CYTIP: variants seen among roughly 807,000 people sequenced by gnomAD.
CYTIP encodes the protein cytohesin 1 interacting protein.
Under a neutral mutation model 43.8 loss-of-function variants are expected in CYTIP, and 26 were observed. The observed-to-expected ratio is 0.59, with a 90% CI of 0.44 to 0.82. The LOEUF (loss-of-function observed/expected upper bound fraction) is 0.82, where lower values mean the gene tolerates loss of function less well. CYTIP is among the 40% of genes least tolerant of loss of function. CYTIP has a pLI of 0.00. For missense variants in CYTIP, 426 were observed against 443.1 expected (o/e 0.96, Z 0.35); for synonymous variants, 162 against 162.9 (o/e 0.99, Z 0.04).
rs1685416944 is a variant in CYTIP at position 157,414,952 on chromosome 2, T to C, written c.*725A>G. 6.6e-6 allele frequency: 1 copy of C among 152,234 alleles called. No homozygotes were observed. The highest frequency in any genetic ancestry group is 1.5e-5 in the Non-Finnish European group (1 of 68,038). 9.4% of individuals were successfully genotyped at this position (152,234 alleles called of 1,614,324 possible). On this transcript the variant is annotated 3_prime_UTR_variant, in exon 8 of 8. Transcript: ENST00000264192. ...CTGTAGGATTCGGAGAGTTCTAGAC[T>C]TGCCATTAATGTTCAGGCAGAACAA...
intron 1 of CYTIP, 124 bp downstream of exon 1, chr2:157,443,723 A>C: frequency 2.8e-6 from 3 of 1,064,522 alleles, no homozygotes; most frequent in Non-Finnish European, 3.9e-6. Context: ...TCCTTCACCC[A>C]TAATAATCAG....
In CYTIP at chr2:157,415,934, T is replaced by G; in HGVS notation, c.823A>C (p.Ser275Arg). The G allele has an allele frequency of 6.2e-7, 1 of 1,614,234 alleles. No individual in the cohort carries two copies. Among genetic ancestry groups the G allele is most frequent in the Non-Finnish European group, 8.5e-7 (1 of 1,180,038 alleles). Residue 275 changes from serine to arginine, a missense_variant, in exon 8 of 8, where the codon AGT (serine) becomes CGT (arginine). Coordinates refer to ENST00000264192, the MANE Select transcript of CYTIP (RefSeq NM_004288.5). Reference sequence around the variant, plus strand: ...TCATCATCTGTACTCGTCTGCCGACTGAAGGCACCCCTGCTGGAGTCCTCA... The same window carrying G: ...TCATCATCTGTACTCGTCTGCCGACGGAAGGCACCCCTGCTGGAGTCCTCA... ...VSEDSSRGAF[S>R]RQTSTDDECF...
At chr2:157,428,557 T>C (rs1685649557) in intron 5 of CYTIP, among the ~76,000 whole-genome samples, 1 of 152,354 alleles carries the variant, frequency 6.6e-6, no homozygotes, top group South Asian at 2.1e-4. Context: ...TTTGGCCATT[T>C]TCCTCAGTAT....
chr2:157,434,185 C>T (rs1429177761), intron 3 of CYTIP, 185 bp downstream of exon 3: 2 of 636,902 alleles, frequency 3.1e-6, no homozygotes, highest in East Asian at 2.8e-5. Flanking sequence ...TTATCATCTT[C>T]AATGTTTTCT....
Position 157,417,404 on chromosome 2 carries a change from G to T in CYTIP, c.613+1119C>A, listed in dbSNP as rs1046831499. 3.3e-5 allele frequency among the ~76,000 whole-genome samples: 5 copies of T among 152,230 alleles called. No homozygotes were observed. In the East Asian group the frequency reaches 7.7e-4, roughly 23 times the overall value. On this transcript the variant is annotated intron_variant, in intron 7 of 7. Transcript: ENST00000264192. ...ACAACAATGACTTTATGAGGATCCT[G>T]ACCTAACAATGTTGTCTATACAAGG...
At position 157,415,288 on chromosome 2, in the gene CYTIP, C is replaced by T. The variant is rs924412393; in HGVS notation, c.*389G>A. On this transcript the variant is annotated 3_prime_UTR_variant, in exon 8 of 8. Transcript: ENST00000264192. ...TAAGATTTTATAACCCAGCAATTAT[C>T]CTATAGAAAATAGTCCAGATTATTA... 6.0e-6 allele frequency: 1 copy of T among 166,486 alleles called. No homozygotes were observed. Among genetic ancestry groups the T allele is most frequent in the Non-Finnish European group, 1.3e-5 (1 of 75,916 alleles). 10.3% of individuals were successfully genotyped at this position (166,486 alleles called of 1,614,324 possible).
intron 2 of CYTIP, 114 bp from the exon 3 acceptor site, chr2:157,434,538 A>C: frequency 1.0e-6 from 1 of 986,100 alleles, no homozygotes; most frequent in South Asian, 1.4e-5. Flanking sequence ...ATTTATGTAA[A>C]TTGTAGTATG....
At position 157,430,913 on chromosome 2, in the gene CYTIP, A is replaced by G; in HGVS notation, c.329T>C (p.Leu110Ser). The G allele has an allele frequency of 1.2e-6, 2 of 1,613,994 alleles. No homozygotes were observed. The highest frequency in any genetic ancestry group is 8.5e-7 in the Non-Finnish European group (1 of 1,179,982). ...GCTGTCCTCCTGTATTTTGCATATC[A>G]AAGTGAACATTTCCGAGGAGCAGGC... ...QNACSSEMFT[L>S]ICKIQEDSPA... Residue 110 changes from leucine (L) to serine (S), a missense_variant, in exon 4 of 8, where the codon TTG (leucine) becomes TCG (serine). By Grantham distance (145) the Leu-to-Ser change is moderately radical. Coordinates refer to ENST00000264192, the MANE Select transcript of CYTIP (RefSeq NM_004288.5).
intron 6 of CYTIP, among the ~76,000 whole-genome samples, chr2:157,426,169 A>G (rs1227318406): frequency 6.6e-6 from 1 of 152,160 alleles, no homozygotes; most frequent in Non-Finnish European, 1.5e-5. Flanking sequence ...AAGAATGAAT[A>G]TAATAAATGA....
intron 6 of CYTIP, among the ~76,000 whole-genome samples, chr2:157,419,441 A>G (rs1294140338): frequency 6.6e-6 from 1 of 152,222 alleles, no homozygotes; most frequent in Non-Finnish European, 1.5e-5. Context: ...GCTGAGACCC[A>G]CAGTGGGAAT....
intron 1 of CYTIP, among the ~76,000 whole-genome samples, chr2:157,437,045 T>C (rs1039688645): frequency 1.3e-5 from 2 of 152,104 alleles, no homozygotes; most frequent in Non-Finnish European, 2.9e-5. Context: ...TCTCACTCTA[T>C]ACAGAAATCA....
At chr2:157,442,315 T>C (rs1465464452) in intron 1 of CYTIP, among the ~76,000 whole-genome samples, 4 of 152,174 alleles carry the variant, frequency 2.6e-5, no homozygotes, top group Non-Finnish European at 5.9e-5. Flanking sequence ...CTCCTACACT[T>C]AGCATGATGT....
At chr2:157,426,564 C>T (rs1024976193) in intron 6 of CYTIP, among the ~76,000 whole-genome samples, 1 of 152,164 alleles carries the variant, frequency 6.6e-6, no homozygotes, top group African/African-American at 2.4e-5. Flanking sequence ...GCAGCTATTT[C>T]TAAATAAAGC....
chr2:157,434,898 C>A (rs1031463801), intron 1 of CYTIP, 151 bp from the exon 2 acceptor site: 3 of 388,002 alleles, frequency 7.7e-6, no homozygotes, highest in African/African-American at 2.3e-5. Context: ...CACACACACA[C>A]AACCTGTTCT....
At chr2:157,434,657 A>G in intron 2 of CYTIP, 41 bp downstream of exon 2, 6 of 1,490,870 alleles carry the variant, frequency 4.0e-6, no homozygotes, top group Non-Finnish European at 5.6e-6. Context: ...CTATGTTCCT[A>G]AATATTTTGG....
chr2:157,422,228 G>A (rs267991), intron 6 of CYTIP, among the ~76,000 whole-genome samples: 140,215 of 152,292 alleles, frequency 0.92, 64,704 homozygotes, highest in East Asian at 1. Flanking sequence ...CAAGCATCCA[G>A]TTATCACATT....
intron 3 of CYTIP, chr2:157,434,074 A>T: frequency 4.5e-6 from 2 of 444,524 alleles, no homozygotes; most frequent in Non-Finnish European, 8.0e-6. Context: ...TCACTCTCTT[A>T]TCTAAGACCT....
Position 157,416,041 on chromosome 2 carries a change from C to T in CYTIP, c.716G>A (p.Arg239Gln), listed in dbSNP as rs1249278243. 4 of 1,614,044 alleles carry T rather than the reference C, an allele frequency of 2.5e-6. No individual in the cohort carries two copies. The highest frequency in any genetic ancestry group is 1.1e-5 in the South Asian group (1 of 91,084). Reference sequence around the variant, plus strand: ...CTTACAGCTGCTCTCACTGGATAATCGATTCCGGTCCACAAGGGCTGGGCC... The same window carrying T: ...CTTACAGCTGCTCTCACTGGATAATTGATTCCGGTCCACAAGGGCTGGGCC... ...GPGPALVDRN[R>Q]LSSESSCKSW... is the part of the protein sequence containing the mutation. Residue 239 changes from arginine to glutamine, a missense_variant, in exon 8 of 8, where the codon CGA (arginine) becomes CAA (glutamine). Coordinates refer to ENST00000264192, the MANE Select transcript of CYTIP (RefSeq NM_004288.5).
intron 5 of CYTIP, among the ~76,000 whole-genome samples, chr2:157,428,543 T>C (rs1292690218): frequency 6.6e-6 from 1 of 152,216 alleles, no homozygotes. Context: ...ACTGCAACCA[T>C]TGATTTGGCC....
Sources: gnomAD v4.1 joint callset for allele counts (sites outside exome capture counted in the v4.1 genomes callset) on GRCh38, gnomAD v4.1.1 for gene constraint, MANE v1.5 for transcripts, NCBI Gene and HGNC (gene_info 2026-07-23, HGNC 2026-07-21) for gene names.